WIPF3: variants seen among roughly 807,000 people sequenced by gnomAD.
WIPF3 encodes the protein WAS/WASL-interacting protein family member 3.
WIPF3 carries 33 observed loss-of-function variants against 38.9 expected under a neutral mutation model. The observed-to-expected ratio is 0.85, with a 90% CI of 0.64 to 1.14. WIPF3 has a LOEUF of 1.14. Among genes scored for constraint, WIPF3 ranks in the 50% most tolerant of loss-of-function variants. The probability of loss-of-function intolerance (pLI) is 0.00; values close to 1 mark genes in which losing one functional copy is unlikely to be tolerated. For synonymous variants in WIPF3, 324 were observed against 269.3 expected (o/e 1.20, Z -1.99); for missense variants, 711 against 652.5 (o/e 1.09, Z -0.98).
chr7:29,833,237 G>A (rs1470281729), intron 1 of WIPF3, among the ~76,000 whole-genome samples: 1 of 152,186 alleles, frequency 6.6e-6, no homozygotes, highest in Non-Finnish European at 1.5e-5. Context: ...TTTTGGAAAC[G>A]GATAGTGATG....
intron 2 of WIPF3, among the ~76,000 whole-genome samples, chr7:29,839,550 C>T (rs974546299): frequency 2.2e-4 from 34 of 152,148 alleles, no homozygotes; most frequent in African/African-American, 7.2e-4. Flanking sequence ...GTAATCTGCC[C>T]GGAATGAATG....
At chr7:29,866,142 G>A (rs1785383579) in intron 2 of WIPF3, among the ~76,000 whole-genome samples, 1 of 152,178 alleles carries the variant, frequency 6.6e-6, no homozygotes, top group Non-Finnish European at 1.5e-5. Flanking sequence ...CTGCGCGACA[G>A]AGCAAGACTC....
At chr7:29,891,235 GGGC>G in intron 7 of WIPF3, among the ~76,000 whole-genome samples, 2 of 137,252 alleles carry the variant, frequency 1.5e-5, no homozygotes, top group African/African-American at 5.6e-5. Flanking sequence ...CAGGTGGAGG[GGGC>G]GAGGGCCTGC....
intron 1 of WIPF3, among the ~76,000 whole-genome samples, chr7:29,827,441 G>A (rs1173078270): frequency 6.6e-6 from 1 of 152,130 alleles, no homozygotes; most frequent in African/African-American, 2.4e-5. Context: ...TTTACTTATA[G>A]CTTTAGAAAC....
At chr7:29,814,684 T>C (rs1161974452) in intron 1 of WIPF3, among the ~76,000 whole-genome samples, 1 of 152,232 alleles carries the variant, frequency 6.6e-6, no homozygotes, top group Non-Finnish European at 1.5e-5. Flanking sequence ...TGATAACATC[T>C]GTTGTGAAGA....
chr7:29,863,194 C>T (rs531848073), intron 2 of WIPF3, among the ~76,000 whole-genome samples: 2 of 152,230 alleles, frequency 1.3e-5, no homozygotes, highest in Non-Finnish European at 2.9e-5. Flanking sequence ...ATTCCATCAC[C>T]CCTAAAAACT....
chr7:29,838,108 C>T (rs1205840134), intron 2 of WIPF3, among the ~76,000 whole-genome samples: 12 of 152,280 alleles, frequency 7.9e-5, no homozygotes, highest in South Asian at 2.1e-4. Flanking sequence ...TTAGTAGAGA[C>T]GGGGTTTCAC....
intron 7 of WIPF3, among the ~76,000 whole-genome samples, chr7:29,896,624 T>A (rs75499288): frequency 5.3e-5 from 8 of 151,292 alleles, no homozygotes; most frequent in African/African-American, 7.3e-5. Context: ...AAAAAAAAAA[T>A]TTTTTTTTAA....
At chr7:29,830,176 T>C (rs1297752947) in intron 1 of WIPF3, among the ~76,000 whole-genome samples, 1 of 151,692 alleles carries the variant, frequency 6.6e-6, no homozygotes, top group Non-Finnish European at 1.5e-5. Context: ...TGAAAAATCC[T>C]TGCCTGTGAC....
At chr7:29,827,120 A>T (rs1300288828) in intron 1 of WIPF3, among the ~76,000 whole-genome samples, 2 of 152,156 alleles carry the variant, frequency 1.3e-5, no homozygotes, top group Non-Finnish European at 2.9e-5. Flanking sequence ...GCACAAATAC[A>T]TGCTCAGTGA....
intron 1 of WIPF3, among the ~76,000 whole-genome samples, chr7:29,807,024 C>G (rs1269347727): frequency 6.6e-6 from 1 of 151,862 alleles, no homozygotes; most frequent in Non-Finnish European, 1.5e-5. Context: ...CCCCTGGCAC[C>G]GAGGCCGCCT....
At chr7:29,811,571 C>G (rs1383291778) in intron 1 of WIPF3, among the ~76,000 whole-genome samples, 3 of 152,142 alleles carry the variant, frequency 2.0e-5, no homozygotes, top group African/African-American at 7.2e-5. Context: ...TCCACAGTGA[C>G]CATGAGATAA....
At chr7:29,820,095 T>C (rs971699267) in intron 1 of WIPF3, among the ~76,000 whole-genome samples, 1 of 152,096 alleles carries the variant, frequency 6.6e-6, no homozygotes. Flanking sequence ...AGAGAACCCA[T>C]AAAAGTCTTG....
At chr7:29,807,225 G>T (rs574452371) in intron 1 of WIPF3, among the ~76,000 whole-genome samples, 1 of 152,188 alleles carries the variant, frequency 6.6e-6, no homozygotes, top group South Asian at 2.1e-4. Flanking sequence ...CTCCAGAGAT[G>T]TGAAGTGACT....
In WIPF3 at chr7:29,833,529, TATAAAAAG is replaced by T. The variant is rs1429654910; in HGVS notation, c.-57-1129_-57-1122del. ...ATTAGTGTGTCACATAATTGCCATT[TATAAAAAG>T]ATAAAAAGAACTAACATATTAGGTG... is the stretch of plus-strand genomic sequence containing the variant. On this transcript the variant is annotated intron_variant, in intron 1 of 8. Coordinates refer to ENST00000242140, the MANE Select transcript of WIPF3 (RefSeq NM_001080529.3). 3.3e-5 allele frequency among the ~76,000 whole-genome samples: 5 copies of T among 152,218 alleles called. 1 individual carries two copies. Among genetic ancestry groups the T allele is most frequent in the Non-Finnish European group, 4.4e-5 (3 of 68,036 alleles).
At chr7:29,902,268 C>CTTTTTTTTTTTTTTTTTTTT in intron 7 of WIPF3, among the ~76,000 whole-genome samples, 1 of 117,356 alleles carries the variant, frequency 8.5e-6, no homozygotes, top group Non-Finnish European at 1.7e-5. Flanking sequence ...TCTTCTTCTT[C>CTTTTTTTTTTTTTTTTTTTT]TTCTTCTTTT....
chr7:29,913,607 T>C (rs987260744), intron 8 of WIPF3, among the ~76,000 whole-genome samples: 1 of 152,228 alleles, frequency 6.6e-6, no homozygotes, highest in Non-Finnish European at 1.5e-5. Context: ...AGCTTGCATA[T>C]GTTATATCAT....
intron 7 of WIPF3, among the ~76,000 whole-genome samples, chr7:29,902,509 T>C (rs1786308601): frequency 6.6e-6 from 1 of 152,166 alleles, no homozygotes; most frequent in Admixed American, 6.5e-5. Flanking sequence ...TAATGACTTA[T>C]ATATGTTGTA....
intron 2 of WIPF3, among the ~76,000 whole-genome samples, chr7:29,857,603 C>T (rs1785206484): frequency 6.6e-6 from 1 of 152,172 alleles, no homozygotes; most frequent in South Asian, 2.1e-4. Context: ...TATGGCCCAG[C>T]TGCTGTTGGC....
Sources: allele counts gnomAD v4.1 joint callset (sites outside exome capture counted in the v4.1 genomes callset), GRCh38; gene constraint gnomAD v4.1.1; transcripts MANE v1.5; gene names NCBI Gene and HGNC (gene_info 2026-07-23, HGNC 2026-07-21).